Variants in FYN observed in about 807,000 individuals in gnomAD.
FYN encodes FYN proto-oncogene, Src family tyrosine kinase.
Under a neutral mutation model 70.2 loss-of-function variants are expected in FYN, and 10 were observed. The ratio of observed to expected loss-of-function variants is 0.14; its 90% CI spans 0.09 to 0.24. The LOEUF is 0.24. Ranked by LOEUF, FYN falls within the 10% of genes least tolerant of loss-of-function variation. The pLI is 1.00. For missense variants in FYN, 319 were observed against 673.1 expected (o/e 0.47, Z 5.82); for synonymous variants, 236 against 248.6 (o/e 0.95, Z 0.48).
intron 1 of FYN, among the ~76,000 whole-genome samples, chr6:111,848,704 G>A (rs553830304): frequency 2.8e-4 from 43 of 152,294 alleles, no homozygotes; most frequent in African/African-American, 8.4e-4. Flanking sequence ...AAGGATGGAC[G>A]CAAAATAGAA....
intron 3 of FYN, among the ~76,000 whole-genome samples, chr6:111,729,534 G>GAC (rs1801350810): frequency 6.6e-6 from 1 of 151,238 alleles, no homozygotes; most frequent in African/African-American, 2.4e-5. Context: ...GTGTGCTAAA[G>GAC]ACACGCCTTT....
At chr6:111,735,107 A>G (rs1801651425) in intron 3 of FYN, among the ~76,000 whole-genome samples, 1 of 152,224 alleles carries the variant, frequency 6.6e-6, no homozygotes. Flanking sequence ...GAGGGCACAG[A>G]GGTGTGGAAC....
chr6:111,716,492 T>C (rs1800648900), intron 4 of FYN, among the ~76,000 whole-genome samples: 1 of 152,186 alleles, frequency 6.6e-6, no homozygotes, highest in Non-Finnish European at 1.5e-5. Context: ...GTGTACCTAG[T>C]ACAGTTATAA....
chr6:111,682,552 A>T (rs983908255), intron 12 of FYN, among the ~76,000 whole-genome samples: 3 of 152,240 alleles, frequency 2.0e-5, no homozygotes, highest in Admixed American at 6.5e-5. Context: ...GACTGCAGAT[A>T]CTTTTGCTGC....
At chr6:111,731,609 C>T (rs1801458168) in intron 3 of FYN, among the ~76,000 whole-genome samples, 2 of 152,358 alleles carry the variant, frequency 1.3e-5, no homozygotes, top group East Asian at 3.9e-4. Flanking sequence ...TTTGCATCCC[C>T]TGCCGTGGTG....
chr6:111,731,726 C>T (rs572080837), intron 3 of FYN, among the ~76,000 whole-genome samples: 130 of 152,246 alleles, frequency 8.5e-4, no homozygotes, highest in African/African-American at 3.0e-3. Flanking sequence ...GACAGAATGG[C>T]TCAGGAGGAC....
At chr6:111,867,709 T>C (rs1774154913) in intron 1 of FYN, among the ~76,000 whole-genome samples, 1 of 152,102 alleles carries the variant, frequency 6.6e-6, no homozygotes, top group Non-Finnish European at 1.5e-5. Flanking sequence ...CTGCACCTCC[T>C]TTCCTTCCAT....
Position 111,692,104 on chromosome 6 carries a change from C to A in FYN, c.1273+2271G>T, listed in dbSNP as rs1617340. On this transcript the variant is annotated intron_variant, in intron 12 of 13. Transcript: ENST00000354650. The stretch of plus-strand genomic sequence containing the variant: ...ACCTGCCTTGCCAAGCTTCATTTCC[C>A]CCCCCCCCAGTTCAGCTCTCCAGTT... 5.0e-3 allele frequency among the ~76,000 whole-genome samples: 723 copies of A among 146,000 alleles called. 4 individuals are homozygous for A. Among genetic ancestry groups the A allele is most frequent in the African/African-American group, 0.015 (625 of 40,332 alleles).
At chr6:111,812,279 G>A (rs1432960236) in intron 2 of FYN, among the ~76,000 whole-genome samples, 1 of 152,232 alleles carries the variant, frequency 6.6e-6, no homozygotes, top group Non-Finnish European at 1.5e-5. Flanking sequence ...AGGCAGGGCA[G>A]ATGGCGATGC....
At position 111,703,043 on chromosome 6, in the gene FYN, C is replaced by G; in HGVS notation, c.548-9G>C. The stretch of plus-strand genomic sequence containing the variant: ...AGAAAGTGAATAGGCACCTGGTAAA[C>G]GTGGAAAGCATTAGCAGCTCCAATC... On this transcript the variant is annotated splice_polypyrimidine_tract_variant and intron_variant, in intron 7 of 13. Transcript: ENST00000354650. The G allele has an allele frequency of 3.1e-6, 5 of 1,612,916 alleles. No homozygotes were observed. Among genetic ancestry groups the G allele is most frequent in the Non-Finnish European group, 3.4e-6 (4 of 1,179,474 alleles).
At chr6:111,845,448 C>T (rs1430331528) in intron 2 of FYN, among the ~76,000 whole-genome samples, 1 of 152,170 alleles carries the variant, frequency 6.6e-6, no homozygotes, top group Non-Finnish European at 1.5e-5. Flanking sequence ...CTGAAAAGCC[C>T]GTGACTAGCA....
rs1370667839 is a variant in FYN at position 111,661,468 on chromosome 6, A to G, written c.*271T>C. The G allele has an allele frequency of 1.0e-5, 4 of 398,428 alleles. No homozygotes were observed. Among genetic ancestry groups the G allele is most frequent in the Non-Finnish European group, 1.4e-5 (3 of 219,870 alleles). 24.7% of individuals were successfully genotyped at this position (398,428 alleles called of 1,614,324 possible). On this transcript the variant is annotated 3_prime_UTR_variant, in exon 14 of 14. Coordinates refer to ENST00000354650, the MANE Select transcript of FYN (RefSeq NM_002037.5). The surrounding 1 kb of genome is among the most constrained non-coding windows in gnomAD (Gnocchi z 4.0). Reference sequence around the variant, plus strand: ...ACTGGAGTAACTATTTACACTGAACAGAGGTTTGGCCTTTTACATAACATC... The same window carrying G: ...ACTGGAGTAACTATTTACACTGAACGGAGGTTTGGCCTTTTACATAACATC...
At chr6:111,748,947 T>A (rs1802366738) in intron 3 of FYN, among the ~76,000 whole-genome samples, 1 of 152,158 alleles carries the variant, frequency 6.6e-6, no homozygotes, top group Non-Finnish European at 1.5e-5. Flanking sequence ...TAATCCAAAT[T>A]GAAGATTTGG....
intron 2 of FYN, among the ~76,000 whole-genome samples, chr6:111,831,113 T>C (rs749657141): frequency 9.8e-5 from 15 of 152,292 alleles, no homozygotes; most frequent in Non-Finnish European, 1.5e-4. Flanking sequence ...GGAAGATTTC[T>C]AGCTTTCATC....
At chr6:111,742,550 C>G (rs1228402239) in intron 3 of FYN, among the ~76,000 whole-genome samples, 4 of 152,262 alleles carry the variant, frequency 2.6e-5, no homozygotes, top group African/African-American at 9.6e-5. Context: ...TATTGCAAGC[C>G]TTCTGTGAAG....
intron 3 of FYN, among the ~76,000 whole-genome samples, chr6:111,767,555 C>T (rs1475055452): frequency 1.3e-5 from 2 of 152,156 alleles, no homozygotes; most frequent in African/African-American, 4.8e-5. Flanking sequence ...CATGCACCAC[C>T]ACACCCAGCT....
At chr6:111,868,774 A>G (rs963333334) in intron 1 of FYN, among the ~76,000 whole-genome samples, 14 of 152,246 alleles carry the variant, frequency 9.2e-5, no homozygotes, top group Admixed American at 7.8e-4. Flanking sequence ...GTTACTTAAC[A>G]AGCTACTAAA....
intron 3 of FYN, among the ~76,000 whole-genome samples, chr6:111,731,879 G>A (rs9374282): frequency 0.035 from 5,325 of 152,278 alleles, 150 homozygotes; most frequent in East Asian, 0.13. Flanking sequence ...TATGTCGTGC[G>A]TGTCTCAGTA....
intron 2 of FYN, chr6:111,813,892 C>T (rs1469273406): frequency 6.6e-6 from 1 of 152,206 alleles, no homozygotes; most frequent in Non-Finnish European, 1.5e-5. Flanking sequence ...CCCTTGCTAC[C>T]TCTAAGTTCC....
Sources: gnomAD v4.1 joint callset for allele counts (sites outside exome capture counted in the v4.1 genomes callset) on GRCh38, gnomAD v4.1.1 for gene constraint, Gnocchi (gnomAD v3.1) non-coding constraint, MANE v1.5 for transcripts, NCBI Gene and HGNC (gene_info 2026-07-23, HGNC 2026-07-21) for gene names.